TRABD2B: variants seen among roughly 807,000 people sequenced by gnomAD.
TRABD2B encodes TraB domain containing 2B.
TRABD2B carries 14 observed loss-of-function variants against 40.1 expected under a neutral mutation model. The observed-to-expected ratio is 0.35, with a 90% CI of 0.23 to 0.55. The LOEUF is 0.55. TRABD2B is among the 20% of genes least tolerant of loss of function. TRABD2B has a pLI of 0.90. For synonymous variants in TRABD2B, 263 were observed against 277.0 expected (o/e 0.95, Z 0.50); for missense variants, 541 against 648.6 (o/e 0.83, Z 1.80).
At chr1:47,883,309 T>C (rs1644329879) in intron 2 of TRABD2B, among the ~76,000 whole-genome samples, 1 of 152,212 alleles carries the variant, frequency 6.6e-6, no homozygotes, top group African/African-American at 2.4e-5. Context: ...AATTGAGTTC[T>C]CTAGCTCAAA....
chr1:47,947,933 T>C (rs1475584686), intron 2 of TRABD2B, among the ~76,000 whole-genome samples: 33 of 152,144 alleles, frequency 2.2e-4, no homozygotes, highest in Non-Finnish European at 1.2e-4. Flanking sequence ...CCTAGTCCAG[T>C]ACTCCTTAAG....
chr1:47,824,877 G>A (rs1336300942), intron 2 of TRABD2B, among the ~76,000 whole-genome samples: 1 of 152,200 alleles, frequency 6.6e-6, no homozygotes, highest in African/African-American at 2.4e-5. Flanking sequence ...CACCCTCAGA[G>A]CCAGGCAGCA....
Position 47,794,769 on chromosome 1 carries a change from G to A in TRABD2B, c.814-9C>T. 1 of 1,472,338 alleles carries A rather than the reference G, an allele frequency of 6.8e-7. No individual in the cohort carries two copies. Among genetic ancestry groups the A allele is most frequent in the East Asian group, 2.5e-5 (1 of 39,704 alleles). 91.2% of individuals were successfully genotyped at this position (1,472,338 alleles called of 1,614,324 possible). ...TTGATAAAGTTGGGCAGCTGCAAAG[G>A]CAAGACAGAGGCTGCCTTCAGTTTT... On this transcript the variant is annotated splice_polypyrimidine_tract_variant and intron_variant, in intron 3 of 6. Coordinates refer to ENST00000606738, the MANE Select transcript of TRABD2B (RefSeq NM_001194986.2).
intron 2 of TRABD2B, among the ~76,000 whole-genome samples, chr1:47,855,778 C>G (rs1643883962): frequency 6.6e-6 from 1 of 152,116 alleles, no homozygotes; most frequent in South Asian, 2.1e-4. Flanking sequence ...CTTACTTCCT[C>G]TCTCTTTCCA....
At chr1:47,777,570 A>C (rs1479528104) in intron 5 of TRABD2B, among the ~76,000 whole-genome samples, 5 of 152,190 alleles carry the variant, frequency 3.3e-5, no homozygotes, top group Non-Finnish European at 7.3e-5. Context: ...CTCAAGGATA[A>C]GGTGGGGAAA....
At chr1:47,895,286 C>T (rs1056832523) in intron 2 of TRABD2B, among the ~76,000 whole-genome samples, 12 of 152,146 alleles carry the variant, frequency 7.9e-5, no homozygotes, top group Non-Finnish European at 1.3e-4. Flanking sequence ...GCCCAACACC[C>T]GCTTCTCACT....
At chr1:47,787,731 A>G (rs1644615705) in intron 4 of TRABD2B, among the ~76,000 whole-genome samples, 1 of 152,232 alleles carries the variant, frequency 6.6e-6, no homozygotes, top group African/African-American at 2.4e-5. Context: ...GGGATAATGT[A>G]GAAGCAGGCA....
At chr1:47,847,830 G>A (rs536732369) in intron 2 of TRABD2B, among the ~76,000 whole-genome samples, 1 of 152,254 alleles carries the variant, frequency 6.6e-6, no homozygotes, top group East Asian at 1.9e-4. Context: ...TGTAGGAAAC[G>A]GCATATAAAA....
intron 2 of TRABD2B, among the ~76,000 whole-genome samples, chr1:47,909,471 AAGG>A (rs1644722709): frequency 2.8e-5 from 2 of 70,642 alleles, no homozygotes; most frequent in African/African-American, 1.1e-4. Flanking sequence ...GGAGAAGGGG[AAGG>A]AGAAGGAGAA....
chr1:47,942,309 T>C (rs930184397), intron 2 of TRABD2B, among the ~76,000 whole-genome samples: 3 of 152,166 alleles, frequency 2.0e-5, no homozygotes, highest in South Asian at 2.1e-4. Flanking sequence ...CCTAGGCTCA[T>C]TGGCCCAGAG....
intron 2 of TRABD2B, among the ~76,000 whole-genome samples, chr1:47,846,575 G>A (rs1239563349): frequency 6.6e-6 from 1 of 152,146 alleles, no homozygotes. Flanking sequence ...GTGAGACAGT[G>A]AGAGTGAGGT....
chr1:47,823,110 G>A (rs76227362), intron 2 of TRABD2B, among the ~76,000 whole-genome samples: 1,873 of 152,386 alleles, frequency 0.012, 21 homozygotes, highest in Non-Finnish European at 0.021. Flanking sequence ...CTGTGTGATA[G>A]GGTCTTGCTG....
At chr1:47,785,885 T>G (rs867649094) in intron 4 of TRABD2B, among the ~76,000 whole-genome samples, 8 of 152,194 alleles carry the variant, frequency 5.3e-5, no homozygotes, top group Admixed American at 5.2e-4. Context: ...TGAGCCTCAG[T>G]GCTACTTGGA....
rs1644428737 is a variant in TRABD2B at position 47,775,228 on chromosome 1, G to A, written c.1291C>T (p.Gln431Ter). 8.0e-7 allele frequency: 1 copy of A among 1,249,494 alleles called. No individual in the cohort carries two copies. The highest frequency in any genetic ancestry group is 1.0e-6 in the Non-Finnish European group (1 of 995,666). 77.4% of individuals were successfully genotyped at this position (1,249,494 alleles called of 1,614,324 possible). Residue 431 changes from glutamine (Q) to a stop codon, truncating the protein, a stop_gained, in exon 6 of 7, where the codon CAG (glutamine) becomes TAG (stop). Coordinates refer to ENST00000606738, the MANE Select transcript of TRABD2B (RefSeq NM_001194986.2). LOFTEE classifies it high-confidence loss of function. ...TGCCGCGGCCGCTGGTGTGTGCTCT[G>A]CCTCTTGTGCCACTTCCTCTGCCGG... ...FGRQRKWHKR[Q>*]STHQRPRQFN...
intron 2 of TRABD2B, among the ~76,000 whole-genome samples, chr1:47,975,952 T>C (rs1031183681): frequency 1.3e-5 from 2 of 152,100 alleles, no homozygotes; most frequent in Admixed American, 1.3e-4. Context: ...CAGATGGTAG[T>C]CTGAGTACAG....
chr1:47,768,332 G>T (rs1057274417), intron 6 of TRABD2B, among the ~76,000 whole-genome samples: 5 of 20,882 alleles, frequency 2.4e-4, no homozygotes, highest in Non-Finnish European at 4.8e-4. Context: ...TGTGGAAGTG[G>T]GGGGGGAGGG....
In TRABD2B at chr1:47,775,251, C is replaced by T. The variant is rs1048824037; in HGVS notation, c.1268G>A (p.Arg423Gln). ...CTGCCTCTTGTGCCACTTCCTCTGC[C>T]GGCCAAACTCCTCCAGCTGGCTGAG... Reference protein sequence around the residue: ...DSLSQLEEFGRQRKWHKRQST... With the variant: ...DSLSQLEEFGQQRKWHKRQST... The change falls in exon 6 of 7, where the codon CGG (arginine) becomes CAG (glutamine). Residue 423 changes from arginine to glutamine, a missense_variant. By Grantham distance (43) the Arg-to-Gln change is conservative. Coordinates refer to ENST00000606738, the MANE Select transcript of TRABD2B (RefSeq NM_001194986.2). 3.4e-5 allele frequency: 42 copies of T among 1,253,254 alleles called. No individual in the cohort carries two copies. The highest frequency in any genetic ancestry group is 2.8e-4 in the Middle Eastern group (1 of 3,578). 77.6% of individuals were successfully genotyped at this position (1,253,254 alleles called of 1,614,324 possible).
chr1:47,946,176 C>T (rs1052323975), intron 2 of TRABD2B, among the ~76,000 whole-genome samples: 1 of 152,060 alleles, frequency 6.6e-6, no homozygotes, highest in African/African-American at 2.4e-5. Flanking sequence ...TACTTACTTG[C>T]CATTCATATA....
intron 2 of TRABD2B, among the ~76,000 whole-genome samples, chr1:47,912,248 T>C (rs1644772832): frequency 6.6e-6 from 1 of 152,238 alleles, no homozygotes; most frequent in Non-Finnish European, 1.5e-5. Context: ...ACATGGTTTA[T>C]TGCAATTGAA....
Sources: allele counts gnomAD v4.1 joint callset (sites outside exome capture counted in the v4.1 genomes callset), GRCh38; gene constraint gnomAD v4.1.1; transcripts MANE v1.5; gene names NCBI Gene and HGNC (gene_info 2026-07-23, HGNC 2026-07-21).